Variants in WWC2 observed in about 807,000 individuals in gnomAD.
WWC2 encodes the protein protein WWC2.
WWC2 carries 101 observed loss-of-function variants against 138.5 expected under a neutral mutation model. The observed-to-expected ratio is 0.73, with a 90% confidence interval of 0.62 to 0.86. The LOEUF is 0.86. Ranked by LOEUF, WWC2 falls within the 40% of genes least tolerant of loss-of-function variation. WWC2 has a pLI of 0.00. For missense variants in WWC2, 1,420 were observed against 1,419.4 expected (o/e 1.00, Z -0.01); for synonymous variants, 558 against 538.4 (o/e 1.04, Z -0.50).
intron 9 of WWC2, among the ~76,000 whole-genome samples, chr4:183,257,326 A>G (rs574176363): frequency 2.0e-5 from 3 of 152,164 alleles, no homozygotes; most frequent in African/African-American, 7.2e-5. Context: ...TCCTGCTTCT[A>G]TAGATGACAT....
intron 1 of WWC2, among the ~76,000 whole-genome samples, chr4:183,160,119 C>T (rs143251048): frequency 1.2e-3 from 187 of 152,314 alleles, no homozygotes; most frequent in Middle Eastern, 6.8e-3. Context: ...GCCCTTCAGT[C>T]CACAAATCCT....
intron 1 of WWC2, among the ~76,000 whole-genome samples, chr4:183,121,083 C>T (rs940256808): frequency 9.9e-5 from 15 of 151,998 alleles, no homozygotes; most frequent in African/African-American, 2.4e-4. Context: ...CCAGGCATGG[C>T]GGTGCGCACC....
intron 1 of WWC2, among the ~76,000 whole-genome samples, chr4:183,162,884 T>C (rs1734000918): frequency 6.6e-6 from 1 of 152,204 alleles, no homozygotes; most frequent in African/African-American, 2.4e-5. Flanking sequence ...TTGCCTTTTC[T>C]AATGTATTCA....
chr4:183,233,713 C>T (rs949650367), intron 4 of WWC2: 1 of 152,132 alleles, frequency 6.6e-6, no homozygotes, highest in African/African-American at 2.4e-5. Flanking sequence ...ATTCTGCTTT[C>T]CTCTGTGCTT....
chr4:183,099,622 G>A lies in WWC2; in HGVS notation c.131G>A (p.Arg44Lys). The A allele has an allele frequency of 7.5e-7, 1 of 1,338,328 alleles. No individual in the cohort carries two copies. The highest frequency in any genetic ancestry group is 9.7e-7 in the Non-Finnish European group (1 of 1,027,980). The allele number at this position is 1,338,328 out of a possible 1,614,324, so 82.9% of individuals were successfully genotyped here. A position where few individuals can be genotyped will look rare whatever the true frequency, so the allele number is the denominator to read the frequency against. The change falls in exon 1 of 23, where the codon AGG becomes AAG. Residue 44 changes from arginine (R) to lysine (K), a missense_variant and splice_region_variant. Arg to Lys is a conservative substitution (Grantham distance 26). Transcript: ENST00000403733. ...ACCAGCTGGATCGACCCCCGGGACA[G>A]GTGGGCGCCGGCCGCGGGGGCGCGG... The part of the protein sequence containing the change: ...RRTSWIDPRD[R>K]LTKPLSFADC...
intron 16 of WWC2, among the ~76,000 whole-genome samples, chr4:183,280,427 A>C (rs1738032151): frequency 6.6e-6 from 1 of 151,896 alleles, no homozygotes; most frequent in African/African-American, 2.4e-5. Flanking sequence ...TATCCTACTG[A>C]CACTGCCACT....
At chr4:183,246,086 G>A (rs561196151) in intron 6 of WWC2, among the ~76,000 whole-genome samples, 3 of 152,280 alleles carry the variant, frequency 2.0e-5, no homozygotes, top group South Asian at 2.1e-4. Context: ...GCTGCCAATG[G>A]CCATAGATCC....
At chr4:183,133,038 T>A (rs1483824654) in intron 1 of WWC2, among the ~76,000 whole-genome samples, 1 of 143,250 alleles carries the variant, frequency 7.0e-6, no homozygotes, top group Non-Finnish European at 1.5e-5. Context: ...TTTCCTTTTC[T>A]TTTCCCTTCC....
rs892158758 is a variant in WWC2, at chr4:183,288,344, C to G, written c.3142-1049C>G. ...ACTGGAGTACTTGTCAAATTTGAGT[C>G]CCTCCTCGCTCATATCAAATAGTAA... On this transcript the variant is annotated intron_variant, in intron 20 of 22. Transcript: ENST00000403733. Among the ~76,000 whole-genome samples the G allele has an allele frequency of 2.0e-5, 3 of 152,030 alleles. No individual in the cohort carries two copies. The South Asian group carries it at 6.2e-4, about 32-fold the overall frequency.
intron 2 of WWC2, among the ~76,000 whole-genome samples, chr4:183,196,523 C>T (rs1371598320): frequency 3.3e-5 from 5 of 152,224 alleles, no homozygotes; most frequent in Admixed American, 1.3e-4. Context: ...CAGTTACTTC[C>T]TTCAGACTGC....
At chr4:183,106,066 G>A (rs1028144279) in intron 1 of WWC2, among the ~76,000 whole-genome samples, 2 of 151,350 alleles carry the variant, frequency 1.3e-5, no homozygotes, top group East Asian at 2.0e-4. Context: ...TACAGCCTCC[G>A]CCTCCTGGGT....
intron 4 of WWC2, among the ~76,000 whole-genome samples, chr4:183,229,416 G>C (rs1005109878): frequency 3.9e-5 from 6 of 151,960 alleles, no homozygotes; most frequent in Admixed American, 6.5e-5. Context: ...TGCTAATTTT[G>C]GTACCTCTTT....
chr4:183,140,325 C>G (rs1733263826), intron 1 of WWC2, among the ~76,000 whole-genome samples: 1 of 152,152 alleles, frequency 6.6e-6, no homozygotes, highest in African/African-American at 2.4e-5. Flanking sequence ...ATATCTGAAT[C>G]ATGTGGGCTC....
intron 1 of WWC2, among the ~76,000 whole-genome samples, chr4:183,149,150 C>A (rs1187326172): frequency 6.6e-6 from 1 of 151,956 alleles, no homozygotes; most frequent in Non-Finnish European, 1.5e-5. Context: ...AAAGCGAATA[C>A]CCTCCTAACA....
intron 1 of WWC2, among the ~76,000 whole-genome samples, chr4:183,140,371 C>T (rs887715429): frequency 9.9e-5 from 15 of 152,104 alleles, no homozygotes; most frequent in African/African-American, 2.4e-4. Context: ...GTGCCTTGCC[C>T]GAGACCTACT....
intron 4 of WWC2, among the ~76,000 whole-genome samples, chr4:183,230,944 G>A (rs1213844021): frequency 1.3e-5 from 2 of 152,056 alleles, no homozygotes; most frequent in Non-Finnish European, 2.9e-5. Flanking sequence ...AAACTGATTC[G>A]AGATGATAGA....
intron 18 of WWC2, 119 bp from the exon 19 acceptor site, chr4:183,284,107 T>C: frequency 1.7e-6 from 2 of 1,164,766 alleles, no homozygotes; most frequent in Non-Finnish European, 1.2e-6. Flanking sequence ...CTCTTAGGAG[T>C]GGCCATAGTG....
At chr4:183,171,947 AGTC>A (rs1297118207) in intron 1 of WWC2, among the ~76,000 whole-genome samples, 1 of 152,144 alleles carries the variant, frequency 6.6e-6, no homozygotes. Context: ...AGAAATCAGT[AGTC>A]TGTGTGTACA....
intron 1 of WWC2, among the ~76,000 whole-genome samples, chr4:183,140,784 G>A (rs1364154462): frequency 2.0e-5 from 3 of 152,158 alleles, no homozygotes; most frequent in Admixed American, 6.5e-5. Context: ...TAATTTTATA[G>A]TTTTTATAAT....
Sources: gnomAD v4.1 joint callset for allele counts (sites outside exome capture counted in the v4.1 genomes callset) on GRCh38, gnomAD v4.1.1 for gene constraint, MANE v1.5 for transcripts, NCBI Gene and HGNC (gene_info 2026-07-23, HGNC 2026-07-21) for gene names.